The following COX16 variants were observed in gnomAD, a reference collection of about 807,000 sequenced individuals.
The protein encoded by COX16 is cytochrome c oxidase assembly factor COX16.
COX16 carries 12 observed loss-of-function variants against 15.4 expected under a neutral mutation model. The ratio of observed to expected loss-of-function variants is 0.78; its 90% CI spans 0.50 to 1.26. COX16 has a LOEUF of 1.26. COX16 is among the 50% of genes most tolerant of loss of function. COX16 has a pLI of 0.00. For missense variants in COX16, 124 were observed against 127.6 expected, an observed-to-expected ratio of 0.97 and a Z score of 0.14; for synonymous variants, 46 against 41.1, an observed-to-expected ratio of 1.12 and a Z score of -0.46.
At chr14:70,328,494 C>G (rs1453825059) in intron 3 of COX16, among the ~76,000 whole-genome samples, 1 of 152,072 alleles carries the variant, frequency 6.6e-6, no homozygotes, top group East Asian at 1.9e-4. Flanking sequence ...TCACCACATC[C>G]CATAATATAG....
intron 2 of COX16, among the ~76,000 whole-genome samples, chr14:70,340,498 A>T (rs1886592432): frequency 6.6e-6 from 1 of 152,224 alleles, no homozygotes; most frequent in Non-Finnish European, 1.5e-5. Flanking sequence ...TTTGTATTAC[A>T]TACATTAGTC....
At chr14:70,353,514 A>G (rs946640605) in intron 1 of COX16, among the ~76,000 whole-genome samples, 1 of 151,614 alleles carries the variant, frequency 6.6e-6, no homozygotes, top group Non-Finnish European at 1.5e-5. Flanking sequence ...AGATAGATAT[A>G]CACATATTTT....
chr14:70,355,639 A>G (rs969232360), intron 1 of COX16, among the ~76,000 whole-genome samples: 3 of 152,244 alleles, frequency 2.0e-5, no homozygotes, highest in Non-Finnish European at 4.4e-5. Flanking sequence ...ACATCCTGCT[A>G]AACTAGAAGA....
At chr14:70,335,603 TAAA>T (rs58611844) in intron 2 of COX16, among the ~76,000 whole-genome samples, 10 of 136,796 alleles carry the variant, frequency 7.3e-5, no homozygotes, top group Non-Finnish European at 9.4e-5. Flanking sequence ...ACCAAAGAGT[TAAA>T]AAAAAAAAAA....
intron 2 of COX16, among the ~76,000 whole-genome samples, chr14:70,330,163 AAG>A (rs781083457): frequency 3.2e-4 from 48 of 152,264 alleles, no homozygotes; most frequent in Non-Finnish European, 3.8e-4. Flanking sequence ...TAAGAGAAAA[AAG>A]AGAAGTCACA....
intron 3 of COX16, chr14:70,328,146 A>C (rs1886152213): frequency 7.6e-6 from 1 of 131,110 alleles, no homozygotes; most frequent in Non-Finnish European, 1.5e-5. Flanking sequence ...GTGGCGCGAT[A>C]AGATTTTCTT....
chr14:70,350,413 A>G (rs1886917749), intron 1 of COX16, among the ~76,000 whole-genome samples: 1 of 151,920 alleles, frequency 6.6e-6, no homozygotes, highest in African/African-American at 2.4e-5. Context: ...TTAAAACAGC[A>G]TGTTGCTCCA....
Position 70,329,186 on chromosome 14 carries a change from C to G in COX16, c.192G>C (p.Glu64Asp), listed in dbSNP as rs900504382. ...TAACATACCGTACCTCATATTCCGACTCTAAAGATATTTTATTCTCTTTCA... is the reference window on the plus strand; with the variant it reads ...TAACATACCGTACCTCATATTCCGAGTCTAAAGATATTTTATTCTCTTTCA... The part of the protein sequence containing the change: ...KKLKENKISL[E>D]SEYEKIKDSK... The change falls in exon 3 of 4, where the codon GAG (glutamate) becomes GAC (aspartate). Residue 64 changes from glutamate (E) to aspartate (D), a missense_variant. Transcript: ENST00000389912. 2 of 1,601,012 alleles carry G rather than the reference C, an allele frequency of 1.2e-6. No homozygotes were observed. Among genetic ancestry groups the G allele is most frequent in the Non-Finnish European group, 1.7e-6 (2 of 1,172,356 alleles).
chr14:70,329,381 T>C (rs1004239641), intron 2 of COX16, 145 bp from the exon 3 acceptor site: 2 of 599,814 alleles, frequency 3.3e-6, no homozygotes, highest in Admixed American at 3.6e-5. Flanking sequence ...TCTGATCACA[T>C]AATGATAACT....
chr14:70,359,654 T>A lies in COX16; in HGVS notation c.-67A>T. The A allele has an allele frequency of 1.4e-6, 2 of 1,394,964 alleles. No individual in the cohort carries two copies. Among genetic ancestry groups the A allele is most frequent in the Non-Finnish European group, 2.0e-6 (2 of 982,374 alleles). 86.4% of individuals were successfully genotyped at this position (1,394,964 alleles called of 1,614,324 possible). A position where few individuals can be genotyped will look rare whatever the true frequency, so the allele number is the denominator to read the frequency against. On this transcript the variant is annotated 5_prime_UTR_variant, in exon 1 of 4. Coordinates refer to ENST00000389912, the MANE Select transcript of COX16 (RefSeq NM_016468.7). ...GCGCAGACTCCCAAATCTCAGCAGC[T>A]CACGCTCTCACCAAGACGAGTACGT...
intron 2 of COX16, 53 bp from the exon 3 acceptor site, chr14:70,329,289 A>T: frequency 1.3e-6 from 2 of 1,520,940 alleles, no homozygotes; most frequent in East Asian, 4.6e-5. Flanking sequence ...TGTTAGACTC[A>T]ATTTTCAATT....
At chr14:70,356,312 C>G (rs1026007547) in intron 1 of COX16, among the ~76,000 whole-genome samples, 1 of 152,100 alleles carries the variant, frequency 6.6e-6, no homozygotes, top group Non-Finnish European at 1.5e-5. Context: ...CTCACATGTG[C>G]AGTTCACAAT....
rs140493879 is a variant in COX16 at position 70,359,575 on chromosome 14, C to A, written c.13G>T (p.Ala5Ser). Residue 5 changes from alanine (A) to serine (S), a missense_variant, in exon 1 of 4, where the codon GCG (alanine) becomes TCG (serine). Ala to Ser is a moderately conservative substitution (Grantham distance 99). Transcript: ENST00000389912. ...TTCTTGCGAAAAGCACGCATCACCG[C>A]GGGTGCAAACATGAGTGAACTCTTC... MFAP[A>S]VMRAFRKNKT... The A allele has an allele frequency of 4.3e-4, 695 of 1,614,070 alleles. 5 individuals are homozygous for A. In the South Asian group the frequency reaches 7.2e-3, roughly 17 times the overall value.
At chr14:70,340,952 T>C (rs1417961720) in intron 2 of COX16, among the ~76,000 whole-genome samples, 2 of 152,180 alleles carry the variant, frequency 1.3e-5, no homozygotes, top group Admixed American at 6.5e-5. Context: ...TATGTCTGGG[T>C]ACATTTTTTT....
chr14:70,357,773 T>C (rs963764645), intron 1 of COX16, among the ~76,000 whole-genome samples: 3 of 152,142 alleles, frequency 2.0e-5, no homozygotes, highest in East Asian at 3.9e-4. Context: ...TGTGGAGAAA[T>C]TGAAAATCAT....
intron 2 of COX16, among the ~76,000 whole-genome samples, chr14:70,334,333 GT>G (rs1454906570): frequency 6.6e-6 from 1 of 152,134 alleles, no homozygotes; most frequent in African/African-American, 2.4e-5. Context: ...GACCAGCCTG[GT>G]CAACATGGCA....
chr14:70,333,552 AAG>A (rs1432120386), intron 2 of COX16, among the ~76,000 whole-genome samples: 4 of 152,238 alleles, frequency 2.6e-5, no homozygotes, highest in Non-Finnish European at 5.9e-5. Flanking sequence ...AAAAAGGAAA[AAG>A]AATGAAAGTA....
At chr14:70,354,238 GA>G (rs554077840) in intron 1 of COX16, among the ~76,000 whole-genome samples, 168 of 152,158 alleles carry the variant, frequency 1.1e-3, no homozygotes, top group African/African-American at 3.8e-3. Context: ...GAACAAATCA[GA>G]AAAAATATCT....
At chr14:70,348,165 A>G (rs1886838745) in intron 1 of COX16, among the ~76,000 whole-genome samples, 1 of 152,168 alleles carries the variant, frequency 6.6e-6, no homozygotes, top group African/African-American at 2.4e-5. Flanking sequence ...GCCTGCCTCC[A>G]AGCACTGGAG....
Sources: allele counts gnomAD v4.1 joint callset (sites outside exome capture counted in the v4.1 genomes callset), GRCh38; gene constraint gnomAD v4.1.1; transcripts MANE v1.5; gene names NCBI Gene and HGNC (gene_info 2026-07-23, HGNC 2026-07-21).